ALK: variants seen among roughly 807,000 people sequenced by gnomAD.
The protein encoded by ALK is ALK receptor tyrosine kinase.
In ALK, 74 loss-of-function variants were observed where a neutral mutation model predicts 163.1. The ratio of observed to expected loss-of-function variants is 0.45; its 90% CI spans 0.38 to 0.55. The LOEUF (loss-of-function observed/expected upper bound fraction) is 0.55, where lower values mean the gene tolerates loss of function less well. Ranked by LOEUF, ALK falls within the 20% of genes least tolerant of loss-of-function variation. The pLI is 0.00. For synonymous variants in ALK, 960 were observed against 843.2 expected (o/e 1.14, Z -2.40); for missense variants, 2,063 against 2,105.3 (o/e 0.98, Z 0.39).
intron 3 of ALK, among the ~76,000 whole-genome samples, chr2:29,558,570 C>T (rs569700787): frequency 6.6e-6 from 1 of 152,186 alleles, no homozygotes; most frequent in Admixed American, 6.5e-5. Context: ...TGCCCTTCTT[C>T]CCCTGCTCTA....
At chr2:29,419,085 C>G (rs1269859241) in intron 4 of ALK, among the ~76,000 whole-genome samples, 1 of 151,252 alleles carries the variant, frequency 6.6e-6, no homozygotes, top group Non-Finnish European at 1.5e-5. Flanking sequence ...GACAGTGTCT[C>G]ACTCTGTTGC....
intron 1 of ALK, among the ~76,000 whole-genome samples, chr2:29,765,643 T>C (rs1262565837): frequency 6.6e-6 from 1 of 152,010 alleles, no homozygotes; most frequent in African/African-American, 2.4e-5. Flanking sequence ...ACCTTTTTTT[T>C]TAAATTTAAA....
chr2:29,887,872 T>C (rs775548719), intron 1 of ALK, among the ~76,000 whole-genome samples: 2 of 152,358 alleles, frequency 1.3e-5, no homozygotes, highest in African/African-American at 2.4e-5. Flanking sequence ...AGGACTGCTA[T>C]GTTAAGAGAC....
At chr2:29,310,752 G>C (rs1458329246) in intron 8 of ALK, among the ~76,000 whole-genome samples, 1 of 152,198 alleles carries the variant, frequency 6.6e-6, no homozygotes, top group Non-Finnish European at 1.5e-5. Flanking sequence ...CGGGGTCCGT[G>C]TGTGCATCCA....
chr2:29,919,926 T>A (rs1392491580), intron 1 of ALK, 67 bp downstream of exon 1: 1 of 1,567,646 alleles, frequency 6.4e-7, no homozygotes, highest in Admixed American at 1.7e-5. Flanking sequence ...TGAAGATTAT[T>A]TAATGGTTGC....
intron 1 of ALK, among the ~76,000 whole-genome samples, chr2:29,910,236 T>C (rs1315549604): frequency 2.0e-5 from 3 of 152,118 alleles, no homozygotes; most frequent in African/African-American, 7.2e-5. Context: ...TGAAAACTTA[T>C]TACATGGGCT....
intron 13 of ALK, among the ~76,000 whole-genome samples, chr2:29,238,858 T>C (rs1457593519): frequency 1.3e-5 from 2 of 152,206 alleles, no homozygotes; most frequent in Non-Finnish European, 2.9e-5. Flanking sequence ...AGATTTCAAT[T>C]GAATTTTTAA....
chr2:29,293,299 C>T (rs1573200289), intron 9 of ALK, among the ~76,000 whole-genome samples: 1 of 152,186 alleles, frequency 6.6e-6, no homozygotes, highest in South Asian at 2.1e-4. Flanking sequence ...ATGCAATTTC[C>T]CTCAATACAT....
chr2:29,520,590 G>T (rs1352200562), intron 4 of ALK, among the ~76,000 whole-genome samples: 1 of 152,154 alleles, frequency 6.6e-6, no homozygotes, highest in African/African-American at 2.4e-5. Flanking sequence ...CAGAAGGTCT[G>T]GGGTCTCAAG....
intron 1 of ALK, among the ~76,000 whole-genome samples, chr2:29,854,905 T>C (rs1254431117): frequency 6.6e-6 from 1 of 152,254 alleles, no homozygotes; most frequent in Non-Finnish European, 1.5e-5. Context: ...TTTATTTATG[T>C]CTTTATTTTA....
intron 3 of ALK, among the ~76,000 whole-genome samples, chr2:29,548,377 G>C (rs1263486979): frequency 1.3e-5 from 2 of 151,964 alleles, no homozygotes; most frequent in African/African-American, 4.8e-5. Context: ...GGAGGTTGAG[G>C]CAGGAGAATC....
intron 1 of ALK, among the ~76,000 whole-genome samples, chr2:29,897,938 G>C (rs1196967241): frequency 6.6e-6 from 1 of 152,160 alleles, no homozygotes; most frequent in Non-Finnish European, 1.5e-5. Flanking sequence ...GAGGTGGAAA[G>C]GGGAAAGAGA....
intron 3 of ALK, among the ~76,000 whole-genome samples, chr2:29,584,148 G>T (rs1008109655): frequency 1.2e-4 from 18 of 152,100 alleles, no homozygotes; most frequent in Non-Finnish European, 2.4e-4. Flanking sequence ...ACTGAGGGGG[G>T]CCTCTATGAG....
chr2:29,823,477 G>C (rs972581053), intron 1 of ALK, among the ~76,000 whole-genome samples: 1 of 152,188 alleles, frequency 6.6e-6, no homozygotes, highest in East Asian at 1.9e-4. Context: ...ACTCCCTAAA[G>C]ACTTGTTGAA....
At chr2:29,676,752 T>G (rs1035366623) in intron 3 of ALK, among the ~76,000 whole-genome samples, 1 of 152,068 alleles carries the variant, frequency 6.6e-6, no homozygotes, top group Non-Finnish European at 1.5e-5. Flanking sequence ...TTGAAGCTAT[T>G]GATATTTTCA....
chr2:29,564,586 C>T (rs1471095956), intron 3 of ALK, among the ~76,000 whole-genome samples: 2 of 152,192 alleles, frequency 1.3e-5, no homozygotes, highest in Non-Finnish European at 2.9e-5. Flanking sequence ...AACCTGCCCT[C>T]TCATCCACTC....
At chr2:29,733,482 C>T (rs533898274) in intron 1 of ALK, among the ~76,000 whole-genome samples, 27 of 152,214 alleles carry the variant, frequency 1.8e-4, no homozygotes, top group Admixed American at 5.2e-4. Context: ...CTAGCACCTA[C>T]GTGACCTCAG....
chr2:29,202,235 C>T (rs1669199842), intron 26 of ALK, among the ~76,000 whole-genome samples: 1 of 152,206 alleles, frequency 6.6e-6, no homozygotes, highest in Non-Finnish European at 1.5e-5. Flanking sequence ...AAGGCCTGCC[C>T]TTTCTTTCAG....
intron 4 of ALK, among the ~76,000 whole-genome samples, chr2:29,496,256 G>A (rs1464419603): frequency 6.6e-6 from 1 of 152,170 alleles, no homozygotes; most frequent in Non-Finnish European, 1.5e-5. Context: ...TATTACATCA[G>A]ATCCAAGCTT....
Sources: gnomAD v4.1 joint callset for allele counts (sites outside exome capture counted in the v4.1 genomes callset) on GRCh38, gnomAD v4.1.1 for gene constraint, MANE v1.5 for transcripts, NCBI Gene and HGNC (gene_info 2026-07-23, HGNC 2026-07-21) for gene names.